Variants in DOK6 observed in about 807,000 individuals in gnomAD.
DOK6 encodes downstream of tyrosine kinase 6.
A neutral mutation model predicts 44.0 loss-of-function variants in DOK6; 22 were observed. That is an observed-to-expected ratio of 0.50 (90% CI 0.36 to 0.71). DOK6 has a LOEUF of 0.71. DOK6 is among the 30% of genes least tolerant of loss of function. The probability of loss-of-function intolerance (pLI) is 0.00; values close to 1 mark genes in which losing one functional copy is unlikely to be tolerated. For missense variants in DOK6, 340 were observed against 416.4 expected (o/e 0.82, Z 1.60); for synonymous variants, 166 against 145.5 (o/e 1.14, Z -1.01).
chr18:69,676,522 G>A (rs1985925788), intron 3 of DOK6, among the ~76,000 whole-genome samples: 1 of 152,020 alleles, frequency 6.6e-6, no homozygotes, highest in Non-Finnish European at 1.5e-5. Flanking sequence ...CAAAGGGTGA[G>A]GTGTCATCCA....
At chr18:69,489,294 C>T (rs1181767734) in intron 1 of DOK6, among the ~76,000 whole-genome samples, 1 of 152,178 alleles carries the variant, frequency 6.6e-6, no homozygotes, top group Non-Finnish European at 1.5e-5. Context: ...ACTAAAGGTT[C>T]ATCAGCTCTT....
intron 1 of DOK6, among the ~76,000 whole-genome samples, chr18:69,522,108 A>G (rs1441683538): frequency 6.6e-6 from 1 of 151,976 alleles, no homozygotes. Context: ...AGACAATAAA[A>G]TCAACTGAAT....
At chr18:69,524,457 C>G (rs1010837785) in intron 1 of DOK6, among the ~76,000 whole-genome samples, 15 of 151,918 alleles carry the variant, frequency 9.9e-5, no homozygotes, top group Non-Finnish European at 1.5e-5. Flanking sequence ...CTTATACTCC[C>G]TAAATACAGT....
chr18:69,789,501 A>G (rs1361345692), intron 7 of DOK6, among the ~76,000 whole-genome samples: 1 of 152,010 alleles, frequency 6.6e-6, no homozygotes, highest in Non-Finnish European at 1.5e-5. Flanking sequence ...TAAAAAAGAA[A>G]TTCAACAAAT....
intron 1 of DOK6, among the ~76,000 whole-genome samples, chr18:69,525,550 T>C (rs148132865): frequency 8.2e-4 from 125 of 152,176 alleles, no homozygotes; most frequent in Middle Eastern, 3.4e-3. Flanking sequence ...CAACATCTCC[T>C]TTCATCTTTA....
chr18:69,680,006 T>C (rs1300330000), intron 4 of DOK6, among the ~76,000 whole-genome samples: 1 of 152,110 alleles, frequency 6.6e-6, no homozygotes, highest in African/African-American at 2.4e-5. Context: ...ATAATTCCTG[T>C]GTATACTTTA....
At chr18:69,671,244 T>C (rs1276569672) in intron 3 of DOK6, among the ~76,000 whole-genome samples, 2 of 152,246 alleles carry the variant, frequency 1.3e-5, no homozygotes, top group East Asian at 3.8e-4. Context: ...TCTTTGGCCA[T>C]GTTTGAAAGC....
chr18:69,684,155 A>G (rs1188766469), intron 4 of DOK6, among the ~76,000 whole-genome samples: 2 of 152,220 alleles, frequency 1.3e-5, no homozygotes, highest in African/African-American at 2.4e-5. Flanking sequence ...TTTGATTTAT[A>G]TAGACACCAC....
chr18:69,441,636 C>G (rs372210800), intron 1 of DOK6, among the ~76,000 whole-genome samples: 1 of 152,096 alleles, frequency 6.6e-6, no homozygotes, highest in East Asian at 1.9e-4. Context: ...GTTCTTTGAG[C>G]CCACCAGAAC....
At chr18:69,483,197 A>C (rs927525057) in intron 1 of DOK6, among the ~76,000 whole-genome samples, 2 of 151,868 alleles carry the variant, frequency 1.3e-5, no homozygotes, top group African/African-American at 4.8e-5. Context: ...ATCCACCCAT[A>C]TCCCTGCATG....
intron 3 of DOK6, among the ~76,000 whole-genome samples, chr18:69,668,752 C>G (rs1985722001): frequency 6.6e-6 from 1 of 152,032 alleles, no homozygotes; most frequent in Admixed American, 6.5e-5. Flanking sequence ...GTATGTGACT[C>G]AAAGCATCAT....
chr18:69,715,804 A>G (rs796882837), intron 5 of DOK6, among the ~76,000 whole-genome samples: 7 of 152,064 alleles, frequency 4.6e-5, no homozygotes, highest in African/African-American at 1.4e-4. Flanking sequence ...TTGCTTTCCT[A>G]TTACTGCTCC....
chr18:69,401,775 C>G (rs532987539), intron 1 of DOK6, among the ~76,000 whole-genome samples: 1 of 152,268 alleles, frequency 6.6e-6, no homozygotes, highest in African/African-American at 2.4e-5. Context: ...CTGATGCCCT[C>G]CCAGCGCCGC....
chr18:69,784,874 G>GT (rs1453436454), intron 7 of DOK6, among the ~76,000 whole-genome samples: 1 of 152,130 alleles, frequency 6.6e-6, no homozygotes, highest in Non-Finnish European at 1.5e-5. Context: ...ACTTTACTAT[G>GT]TTTTTTATCA....
At chr18:69,431,328 C>T (rs538039678) in intron 1 of DOK6, among the ~76,000 whole-genome samples, 1 of 152,248 alleles carries the variant, frequency 6.6e-6, no homozygotes, top group African/African-American at 2.4e-5. Context: ...TCCAGTTACC[C>T]CTTATCTGAA....
chr18:69,650,042 C>T (rs1269287644), intron 3 of DOK6, among the ~76,000 whole-genome samples: 1 of 151,992 alleles, frequency 6.6e-6, no homozygotes, highest in Non-Finnish European at 1.5e-5. Flanking sequence ...ACTTTCCTTT[C>T]CAAGGAAAGG....
chr18:69,584,739 G>A (rs1983460071), intron 2 of DOK6, among the ~76,000 whole-genome samples: 2 of 151,782 alleles, frequency 1.3e-5, no homozygotes, highest in South Asian at 4.2e-4. Context: ...CTGGAAATGG[G>A]CTCTTGGAAA....
chr18:69,509,637 C>CAAAAAAA (rs1183367298), intron 1 of DOK6, among the ~76,000 whole-genome samples: 3 of 34,014 alleles, frequency 8.8e-5, no homozygotes, highest in African/African-American at 1.2e-4. Context: ...GGCTCTGTCT[C>CAAAAAAA]AAAAAAAAAA....
chr18:69,727,629 A>G (rs1350864270), intron 5 of DOK6, among the ~76,000 whole-genome samples: 1 of 152,188 alleles, frequency 6.6e-6, no homozygotes, highest in African/African-American at 2.4e-5. Context: ...GACTATATAA[A>G]TGTGAGACCA....
Sources: gnomAD v4.1 joint callset for allele counts (sites outside exome capture counted in the v4.1 genomes callset) on GRCh38, gnomAD v4.1.1 for gene constraint, MANE v1.5 for transcripts, NCBI Gene and HGNC (gene_info 2026-07-23, HGNC 2026-07-21) for gene names.